The following PML variants were observed in gnomAD, a reference collection of about 807,000 sequenced individuals.
PML encodes the protein protein PML.
Under a neutral mutation model 65.2 loss-of-function variants are expected in PML, and 28 were observed. The observed-to-expected ratio is 0.43, with a 90% confidence interval of 0.32 to 0.59. The LOEUF (loss-of-function observed/expected upper bound fraction) is 0.59, where lower values mean the gene tolerates loss of function less well. PML is among the 20% of genes least tolerant of loss of function. The pLI is 0.08. For missense variants in PML, 1,021 were observed against 1,203.4 expected (o/e 0.85, Z 2.24); for synonymous variants, 500 against 508.8 (o/e 0.98, Z 0.23).
chr15:74,046,412 C>A lies in PML; in HGVS notation c.*1404C>A, dbSNP rs2071771721. On this transcript the variant is annotated 3_prime_UTR_variant, in exon 9 of 9. Transcript: ENST00000268058. ...CCCAAGCAGCCCAGGCCTCTAGCCT[C>A]CATGGCTGATGACCTCAGCTTTCAC... 8.6e-6 allele frequency: 2 copies of A among 232,960 alleles called. No homozygotes were observed. The highest frequency in any genetic ancestry group is 1.1e-4 in the Admixed American group (2 of 17,768). The allele number at this position is 232,960 out of a possible 1,614,324, so 14.4% of individuals were successfully genotyped here.
At position 74,045,048 on chromosome 15, in the gene PML, G is replaced by T; in HGVS notation, c.*40G>T. On this transcript the variant is annotated 3_prime_UTR_variant, in exon 9 of 9. Coordinates refer to ENST00000268058, the MANE Select transcript of PML (RefSeq NM_033238.3). ...CAGCTTGGAGTCTCTGGTGGGCAGA[G>T]AGGGATGGGGTCCCTGAGCCAGGCC... The T allele has an allele frequency of 6.5e-7, 1 of 1,532,632 alleles. No homozygotes were observed. Among genetic ancestry groups the T allele is most frequent in the South Asian group, 1.2e-5 (1 of 83,058 alleles). 94.9% of individuals were successfully genotyped at this position (1,532,632 alleles called of 1,614,324 possible).
Position 73,998,285 on chromosome 15 carries a change from C to G in PML, c.411C>G (p.Asp137Glu). ...GCACCCGCTGCAAAGAGTCGGCCGA[C>G]TTCTGGTGCTTTGAGTGCGAGCAGC... ...AVCTRCKESA[D>E]FWCFECEQLL... Residue 137 changes from aspartate to glutamate, a missense_variant, in exon 2 of 9, where the codon GAC becomes GAG. Transcript: ENST00000268058. 1 of 1,614,230 alleles carries G rather than the reference C, an allele frequency of 6.2e-7. No homozygotes were observed. The highest frequency in any genetic ancestry group is 1.3e-5 in the African/African-American group (1 of 75,070).
intron 4 of PML, chr15:74,025,175 G>C: frequency 1.9e-6 from 1 of 536,718 alleles, no homozygotes; most frequent in Non-Finnish European, 3.4e-6. Context: ...GGTTCAGTGG[G>C]GGTTAGATGT....
At chr15:74,019,822 C>T (rs1350541744) in intron 2 of PML, among the ~76,000 whole-genome samples, 1 of 152,188 alleles carries the variant, frequency 6.6e-6, no homozygotes, top group Non-Finnish European at 1.5e-5. Flanking sequence ...CTCATTTCTC[C>T]ATGGAGAATT....
intron 2 of PML, among the ~76,000 whole-genome samples, chr15:74,004,683 G>T (rs184336313): frequency 9.5e-4 from 143 of 151,218 alleles, no homozygotes; most frequent in African/African-American, 3.2e-3. Flanking sequence ...TCTTTCTTCA[G>T]CTCTTCATCT....
intron 4 of PML, among the ~76,000 whole-genome samples, chr15:74,029,535 A>G (rs1013918842): frequency 1.3e-5 from 2 of 152,120 alleles, no homozygotes; most frequent in Admixed American, 6.5e-5. Flanking sequence ...GAGGCAGGAG[A>G]ATCACTTGAA....
In PML at chr15:74,043,023, C is replaced by G; in HGVS notation, c.1745C>G (p.Ser582Cys). ...SRELDDSSSE[S>C]SDLQLEGPST... ...GAGCTGGATGACAGCAGCAGTGAGTCCAGTGACCTCCAGCTGGAAGGCCCC... is the reference window on the plus strand; with the variant it reads ...GAGCTGGATGACAGCAGCAGTGAGTGCAGTGACCTCCAGCTGGAAGGCCCC... The change falls in exon 8 of 9, where the codon TCC becomes TGC. Residue 582 changes from serine to cysteine, a missense_variant. Physicochemically the swap from Ser to Cys is moderately radical, Grantham distance 112. Coordinates refer to ENST00000268058, the MANE Select transcript of PML (RefSeq NM_033238.3). The surrounding 1 kb of genome is among the most constrained non-coding windows in gnomAD (Gnocchi z 4.3). 6.2e-7 allele frequency: 1 copy of G among 1,613,594 alleles called. No homozygotes were observed. Among genetic ancestry groups the G allele is most frequent in the Non-Finnish European group, 8.5e-7 (1 of 1,179,932 alleles).
chr15:74,019,626 C>T (rs2070746237), intron 2 of PML, among the ~76,000 whole-genome samples: 1 of 152,116 alleles, frequency 6.6e-6, no homozygotes, highest in Non-Finnish European at 1.5e-5. Context: ...TCTTATTTTT[C>T]CCCATTCTTA....
intron 2 of PML, among the ~76,000 whole-genome samples, chr15:74,003,715 G>A (rs1595881515): frequency 2.6e-5 from 4 of 151,842 alleles, no homozygotes; most frequent in Admixed American, 2.0e-4. Flanking sequence ...ATATTACAAC[G>A]CACTTGTTAG....
chr15:74,025,157 A>G lies in PML; in HGVS notation c.1254+230A>G, dbSNP rs911582848. The G allele has an allele frequency of 2.3e-5, 13 of 557,870 alleles. 1 individual carries two copies. In the Admixed American group the frequency reaches 3.2e-4, roughly 14 times the overall value. 34.6% of individuals were successfully genotyped at this position (557,870 alleles called of 1,614,324 possible). A position where few individuals can be genotyped will look rare whatever the true frequency, so the allele number is the denominator to read the frequency against. ...ATGCCAAAGTTGCTCTTGATGGGCCATGAGCCAGGTTCAGTGGGGGTTAGA... is the reference window on the plus strand; with the variant it reads ...ATGCCAAAGTTGCTCTTGATGGGCCGTGAGCCAGGTTCAGTGGGGGTTAGA... On this transcript the variant is annotated intron_variant, in intron 4 of 8. Transcript: ENST00000268058.
In PML at chr15:74,033,687, C is replaced by T. The variant is rs143691633; in HGVS notation, c.1657+273C>T. 281 of 633,344 alleles carry T rather than the reference C, an allele frequency of 4.4e-4. 4 individuals are homozygous for T. The African/African-American group carries it at 4.8e-3, about 11-fold the overall frequency. The allele number at this position is 633,344 out of a possible 1,614,324, so 39.2% of individuals were successfully genotyped here. ...TCCCAAACACTACTGTGCCTTTGCA[C>T]AGGGCAGGTCTCCACAAGAAGTTTG... On this transcript the variant is annotated intron_variant, in intron 6 of 8. Coordinates refer to ENST00000268058, the MANE Select transcript of PML (RefSeq NM_033238.3).
At chr15:74,024,165 G>A (rs2070971076) in intron 3 of PML, among the ~76,000 whole-genome samples, 2 of 152,200 alleles carry the variant, frequency 1.3e-5, no homozygotes, top group Non-Finnish European at 2.9e-5. Flanking sequence ...AAGCTGGAAT[G>A]TGAGCTCTGA....
chr15:73,994,779 A>T lies in PML; in HGVS notation c.-34A>T, dbSNP rs1018666977. The stretch of plus-strand genomic sequence containing the variant: ...TCAGCTTCTCTTCACGCACTCCAAG[A>T]TCTAAACCGAGAATCGAAACTAAGC... On this transcript the variant is annotated 5_prime_UTR_variant, in exon 1 of 9. Transcript: ENST00000268058. 5.2e-6 allele frequency: 8 copies of T among 1,550,542 alleles called. No individual in the cohort carries two copies. The East Asian group carries it at 1.2e-4, about 24-fold the overall frequency.
Position 74,023,316 on chromosome 15 carries a change from C to CCCAA in PML, c.1094_1095insACCA (p.Ser366ProfsTer51), listed in dbSNP as rs761862912. The CCCAA allele has an allele frequency of 2.1e-5, 33 of 1,608,294 alleles. No homozygotes were observed. Among genetic ancestry groups the CCCAA allele is most frequent in the Non-Finnish European group, 2.8e-5 (33 of 1,179,832 alleles). On this transcript the variant is annotated frameshift_variant, in exon 3 of 9. Transcript: ENST00000268058. LOFTEE classifies it high-confidence loss of function. Reference sequence around the variant, plus strand: ...CTCTGCCGCCTGCGCCAGGAGGAGCCCCAGAGCCTGCAAGCTGCCGTGCGC... The same window carrying CCCAA: ...CTCTGCCGCCTGCGCCAGGAGGAGCCCCAACCAGAGCCTGCAAGCTGCCGTGCGC...
Position 74,044,201 on chromosome 15 carries a change from T to C in PML, c.1862-20T>C. On this transcript the variant is annotated intron_variant, in intron 8 of 8. Transcript: ENST00000268058. ...TCTCTGTGACCCTGGGTCCTCACCC[T>C]GCCCTTCTCTCCTGCCCAGCCCAGA... 2.5e-6 allele frequency: 4 copies of C among 1,613,222 alleles called. No homozygotes were observed. The highest frequency in any genetic ancestry group is 3.4e-6 in the Non-Finnish European group (4 of 1,179,910).
At chr15:73,998,521 G>A in intron 2 of PML, 45 bp downstream of exon 2, 1 of 1,521,834 alleles carries the variant, frequency 6.6e-7, no homozygotes, top group Non-Finnish European at 9.1e-7. Flanking sequence ...CAAGTACCAG[G>A]TAGAGGGCGA....
chr15:74,004,214 A>G (rs909947492), intron 2 of PML, among the ~76,000 whole-genome samples: 3 of 152,080 alleles, frequency 2.0e-5, no homozygotes, highest in Admixed American at 6.6e-5. Flanking sequence ...GGCTCAAGCA[A>G]TCCTCCCACC....
At position 74,043,760 on chromosome 15, in the gene PML, A is replaced by G. The variant is rs199547097; in HGVS notation, c.1862-461A>G. On this transcript the variant is annotated intron_variant, in intron 8 of 8. Coordinates refer to ENST00000268058, the MANE Select transcript of PML (RefSeq NM_033238.3). This position sits in a 1 kb window ranked among gnomAD's most constrained non-coding sequence, Gnocchi z 4.3. ...TACAGAAAAGTCATTTGCAGACCTC[A>G]GTGGGAGGCTCTTGGCCTTGCTCTG... 1.7e-5 allele frequency: 9 copies of G among 530,462 alleles called. No individual in the cohort carries two copies. The highest frequency in any genetic ancestry group is 3.0e-5 in the Non-Finnish European group (8 of 267,754). 32.9% of individuals were successfully genotyped at this position (530,462 alleles called of 1,614,324 possible).
chr15:73,996,022 G>A (rs2069483016), intron 1 of PML, among the ~76,000 whole-genome samples: 1 of 152,178 alleles, frequency 6.6e-6, no homozygotes, highest in South Asian at 2.1e-4. Context: ...AAAGTGCTGG[G>A]ATTACAGGCA....
Sources: gnomAD v4.1 joint callset for allele counts (sites outside exome capture counted in the v4.1 genomes callset) on GRCh38, gnomAD v4.1.1 for gene constraint, Gnocchi (gnomAD v3.1) non-coding constraint, MANE v1.5 for transcripts, NCBI Gene and HGNC (gene_info 2026-07-23, HGNC 2026-07-21) for gene names.